The following PFKFB4 variants were observed in gnomAD, a reference collection of about 807,000 sequenced individuals.
PFKFB4 encodes 6-phosphofructo-2-kinase/fructose-2,6-bisphosphatase 4.
A neutral mutation model predicts 62.8 loss-of-function variants in PFKFB4; 42 were observed. The ratio of observed to expected loss-of-function variants is 0.67; its 90% CI spans 0.52 to 0.86. The LOEUF (loss-of-function observed/expected upper bound fraction) is 0.86, where lower values mean the gene tolerates loss of function less well. Among genes scored for constraint, PFKFB4 ranks in the 40% least tolerant of loss-of-function variants. PFKFB4 has a pLI of 0.00. For missense variants in PFKFB4, 475 were observed against 627.2 expected, an observed-to-expected ratio of 0.76 and a Z score of 2.59; for synonymous variants, 204 against 240.7, an observed-to-expected ratio of 0.85 and a Z score of 1.41.
chr3:48,533,721 G>C (rs1009080740), intron 9 of PFKFB4, among the ~76,000 whole-genome samples: 21 of 152,140 alleles, frequency 1.4e-4, no homozygotes, highest in African/African-American at 5.1e-4. Flanking sequence ...TGGTGTGGTG[G>C]CGGGTGCCTA....
intron 6 of PFKFB4, among the ~76,000 whole-genome samples, chr3:48,538,884 C>T (rs1452172061): frequency 1.3e-5 from 2 of 152,200 alleles, no homozygotes; most frequent in East Asian, 3.9e-4. Flanking sequence ...GGCCGTTCCC[C>T]ACCCTGAACT....
upstream of PFKFB4, chr3:48,562,535 G>A: frequency 1.8e-6 from 1 of 540,818 alleles, no homozygotes; most frequent in South Asian, 2.5e-5. This position sits in a 1 kb window ranked among gnomAD's most constrained non-coding sequence, Gnocchi z 4.3. Flanking sequence ...GACTCCATGT[G>A]GCAGTGACCC....
chr3:48,550,235 C>G lies in PFKFB4; in HGVS notation c.98-1G>C. ...AGAGTTGGGCAGTTGGTCATGCACA[C>G]TAAAAGGCAAGCAGCACAGTGTCAG... On this transcript the variant is annotated splice_acceptor_variant, in intron 1 of 13. Coordinates refer to ENST00000232375, the MANE Select transcript of PFKFB4 (RefSeq NM_004567.4). LOFTEE classifies it high-confidence loss of function. 1 of 1,605,250 alleles carries G rather than the reference C, an allele frequency of 6.2e-7. No homozygotes were observed. The highest frequency in any genetic ancestry group is 8.5e-7 in the Non-Finnish European group (1 of 1,171,884).
At chr3:48,527,429 C>T (rs546189105) in intron 9 of PFKFB4, among the ~76,000 whole-genome samples, 10 of 151,602 alleles carry the variant, frequency 6.6e-5, no homozygotes, top group East Asian at 1.9e-4. Context: ...TACAGGTGTG[C>T]GCCACCACAC....
At chr3:48,538,292 C>G in intron 7 of PFKFB4, among the ~76,000 whole-genome samples, 1 of 152,296 alleles carries the variant, frequency 6.6e-6, no homozygotes, top group South Asian at 2.1e-4. Flanking sequence ...AAAATCCTGA[C>G]TCGCAGAGTT....
chr3:48,557,823 C>T (rs1453568001), upstream of PFKFB4, among the ~76,000 whole-genome samples: 1 of 152,232 alleles, frequency 6.6e-6, no homozygotes, highest in African/African-American at 2.4e-5. Flanking sequence ...AGGCGTGAGC[C>T]ACCGCGCCCG....
chr3:48,523,575 G>T lies in PFKFB4; in HGVS notation c.1247C>A (p.Pro416Gln), dbSNP rs760066739. 6.2e-7 allele frequency: 1 copy of T among 1,614,130 alleles called. No individual in the cohort carries two copies. Among genetic ancestry groups the T allele is most frequent in the East Asian group, 2.2e-5 (1 of 44,880 alleles). The change falls in exon 12 of 14, where the codon CCG (proline) becomes CAG (glutamine). Residue 416 changes from proline (P) to glutamine (Q), a missense_variant. Pro to Gln is a moderately conservative substitution (Grantham distance 76). Transcript: ENST00000232375. ...AGTCAGCTTCAGGACTGTGTGCAGC[G>T]GACACTTGAGGTAGGGCAGCTGTTC... The part of the protein sequence containing the change: ...AAEQLPYLKC[P>Q]LHTVLKLTPV...
chr3:48,556,806 C>G (rs763263806), upstream of PFKFB4: 9 of 1,585,730 alleles, frequency 5.7e-6, no homozygotes, highest in East Asian at 4.9e-5. The surrounding 1 kb of genome is among the most constrained non-coding windows in gnomAD (Gnocchi z 5.7). Flanking sequence ...CGGACTGCGC[C>G]GCTTCCAACC....
intron 4 of PFKFB4, among the ~76,000 whole-genome samples, chr3:48,541,975 AAAC>A (rs747324062): frequency 6.6e-6 from 1 of 152,098 alleles, no homozygotes; most frequent in Non-Finnish European, 1.5e-5. Context: ...AGGAAATAAA[AAAC>A]AACAACACTC....
chr3:48,526,864 C>A (rs898946465), intron 9 of PFKFB4, among the ~76,000 whole-genome samples: 1 of 151,646 alleles, frequency 6.6e-6, no homozygotes, highest in Non-Finnish European at 1.5e-5. Context: ...TCTCTTGAAC[C>A]CGGGAGGCAG....
chr3:48,519,679 G>GCA lies in PFKFB4; in HGVS notation c.*67_*68insTG. On this transcript the variant is annotated 3_prime_UTR_variant, in exon 14 of 14. Transcript: ENST00000232375. ...TGGCATGGTGACTATCACACACACT[G>GCA]GAGGGCCTGGAATGACCCCCTCTGC... 8.7e-7 allele frequency: 1 copy of GCA among 1,155,772 alleles called. No homozygotes were observed. The highest frequency in any genetic ancestry group is 1.3e-6 in the Non-Finnish European group (1 of 765,908). The allele number at this position is 1,155,772 out of a possible 1,614,324, so 71.6% of individuals were successfully genotyped here. A position where few individuals can be genotyped will look rare whatever the true frequency, so the allele number is the denominator to read the frequency against.
intron 4 of PFKFB4, among the ~76,000 whole-genome samples, chr3:48,542,072 C>T (rs1560169598): frequency 6.6e-6 from 1 of 152,152 alleles, no homozygotes; most frequent in African/African-American, 2.4e-5. Context: ...AAAGGCTGGG[C>T]GTGGTGGCTC....
intron 9 of PFKFB4, 69 bp downstream of exon 9, chr3:48,535,443 T>C (rs2042568089): frequency 1.5e-6 from 2 of 1,358,510 alleles, no homozygotes; most frequent in African/African-American, 2.9e-5. Flanking sequence ...ATGGTCACTG[T>C]TGTTACAATA....
intron 4 of PFKFB4, among the ~76,000 whole-genome samples, chr3:48,542,006 T>A (rs2042813656): frequency 6.6e-6 from 1 of 151,744 alleles, no homozygotes. Context: ...TGTAAGATAA[T>A]GTTGAAGAAG....
At chr3:48,526,231 G>A (rs2107471896) in intron 9 of PFKFB4, among the ~76,000 whole-genome samples, 1 of 151,578 alleles carries the variant, frequency 6.6e-6, no homozygotes, top group East Asian at 1.9e-4. Context: ...ACTCCAGCCT[G>A]GGCAACAGAG....
chr3:48,561,191 G>T, upstream of PFKFB4: 1 of 767,500 alleles, frequency 1.3e-6, no homozygotes, highest in Non-Finnish European at 1.8e-6. The surrounding 1 kb of genome is among the most constrained non-coding windows in gnomAD (Gnocchi z 5.2). Flanking sequence ...ACTCTGAAGA[G>T]AGAGAAGCGA....
intron 3 of PFKFB4, 126 bp from the exon 4 acceptor site, chr3:48,543,772 T>C: frequency 1.4e-6 from 1 of 728,838 alleles, no homozygotes; most frequent in Non-Finnish European, 2.5e-6. Flanking sequence ...TGCTCTCTTT[T>C]CAAAGTTTCC....
At chr3:48,540,502 T>C (rs1419719307) in intron 4 of PFKFB4, among the ~76,000 whole-genome samples, 1 of 152,182 alleles carries the variant, frequency 6.6e-6, no homozygotes, top group East Asian at 1.9e-4. Context: ...CTGGAGCTCT[T>C]TGAGAAGTAC....
chr3:48,542,653 C>T (rs2042836920), intron 4 of PFKFB4, among the ~76,000 whole-genome samples: 1 of 151,946 alleles, frequency 6.6e-6, no homozygotes, highest in Admixed American at 6.6e-5. Context: ...GCATGAGAAA[C>T]TCTCAGCTCC....
Sources: gnomAD v4.1 joint callset for allele counts (sites outside exome capture counted in the v4.1 genomes callset) on GRCh38, gnomAD v4.1.1 for gene constraint, Gnocchi (gnomAD v3.1) non-coding constraint, MANE v1.5 for transcripts, NCBI Gene and HGNC (gene_info 2026-07-23, HGNC 2026-07-21) for gene names.